SPATA3: variants seen among roughly 807,000 people sequenced by gnomAD.
The protein encoded by SPATA3 is spermatogenesis associated 3, also known as spermatogenesis-associated protein 3.
Under a neutral mutation model 5.7 loss-of-function variants are expected in SPATA3, and 6 were observed. The observed-to-expected ratio is 1.06, with a 90% confidence interval of 0.58 to 2.09. The LOEUF (loss-of-function observed/expected upper bound fraction) is 2.09, where lower values mean the gene tolerates loss of function less well. Among genes scored for constraint, SPATA3 ranks in the 30% most tolerant of loss-of-function variants. The pLI, the probability that SPATA3 is intolerant of heterozygous loss-of-function variation, is 0.00. For synonymous variants in SPATA3, 44 were observed against 48.4 expected (o/e 0.91, Z 0.37); for missense variants, 155 against 130.4 (o/e 1.19, Z -0.92).
chr2:231,008,195 T>C (rs1038416912), downstream of SPATA3, among the ~76,000 whole-genome samples: 7 of 152,012 alleles, frequency 4.6e-5, no homozygotes, highest in Non-Finnish European at 8.8e-5. Context: ...GAGGCATTTG[T>C]AACCTGTTGG....
intron 1 of SPATA3, among the ~76,000 whole-genome samples, chr2:230,998,189 C>G (rs1031341963): frequency 6.6e-6 from 1 of 152,192 alleles, no homozygotes; most frequent in South Asian, 2.1e-4. Context: ...GTTTACCCCC[C>G]GGGATTGTGT....
intron 6 of SPATA3, among the ~76,000 whole-genome samples, chr2:231,015,004 G>A (rs187437456): frequency 6.6e-6 from 1 of 151,636 alleles, no homozygotes; most frequent in East Asian, 1.9e-4. Context: ...TTGGGAGAGA[G>A]GGGAGCACCA....
intron 1 of SPATA3, chr2:230,996,458 C>G: frequency 1.3e-6 from 2 of 1,552,310 alleles, no homozygotes; most frequent in East Asian, 4.9e-5. Context: ...TTCCAGCACC[C>G]GAAATCCGCC....
intron 1 of SPATA3, among the ~76,000 whole-genome samples, chr2:230,999,000 C>G (rs948549687): frequency 2.0e-5 from 3 of 152,154 alleles, no homozygotes; most frequent in Non-Finnish European, 4.4e-5. Flanking sequence ...TGTCCATCAG[C>G]TGATGAATGG....
In SPATA3 at chr2:230,996,550, G is replaced by C; in HGVS notation, c.791-3816G>C. The stretch of plus-strand genomic sequence containing the variant: ...AGGAAAGCAGGTGGGCTGTCTTCTA[G>C]CTTCAGCAGTTCCAGCCTTCCTGCT... On this transcript the variant is annotated intron_variant, in intron 1 of 2. Coordinates refer to ENST00000645363, the Ensembl canonical transcript of SPATA3. 1 of 1,550,034 alleles carries C rather than the reference G, an allele frequency of 6.5e-7. No individual in the cohort carries two copies. Among genetic ancestry groups the C allele is most frequent in the Non-Finnish European group, 8.7e-7 (1 of 1,145,950 alleles).
downstream of SPATA3, among the ~76,000 whole-genome samples, chr2:231,005,432 A>G (rs1361479455): frequency 9.0e-6 from 1 of 111,100 alleles, no homozygotes; most frequent in Non-Finnish European, 1.9e-5. Context: ...CACCACCACC[A>G]CCACAATCAC....
chr2:231,001,660 G>C (rs1692357771), intron 2 of SPATA3, among the ~76,000 whole-genome samples: 1 of 152,126 alleles, frequency 6.6e-6, no homozygotes, highest in African/African-American at 2.4e-5. Flanking sequence ...CGTGCCATGG[G>C]TTCATATCGT....
Position 230,996,205 on chromosome 2 carries a change from G to A in SPATA3, c.791-4161G>A. On this transcript the variant is annotated intron_variant, in intron 1 of 2. An upstream open reading frame in the 5' UTR loses its in-frame stop. Coordinates refer to ENST00000645363, the Ensembl canonical transcript of SPATA3. ...CCGGGAGATTACGCAGCTCCATGTA[G>A]GTCCACGTTTAGGTTGGGAGGATCT... 1 of 1,537,276 alleles carries A rather than the reference G, an allele frequency of 6.5e-7. No individual in the cohort carries two copies. The highest frequency in any genetic ancestry group is 8.8e-7 in the Non-Finnish European group (1 of 1,141,256).
downstream of SPATA3, among the ~76,000 whole-genome samples, chr2:231,004,323 G>T (rs776200374): frequency 3.3e-5 from 5 of 152,172 alleles, no homozygotes; most frequent in Non-Finnish European, 7.4e-5. Flanking sequence ...GTGAGATAAG[G>T]TGTTAGAGGA....
downstream of SPATA3, among the ~76,000 whole-genome samples, chr2:231,004,956 C>T (rs1414187869): frequency 2.1e-5 from 3 of 143,900 alleles, no homozygotes; most frequent in African/African-American, 7.7e-5. Flanking sequence ...ACCATTATCA[C>T]CATCATCCTC....
intron 1 of SPATA3, among the ~76,000 whole-genome samples, chr2:230,997,900 T>C (rs1692188960): frequency 6.6e-6 from 1 of 152,190 alleles, no homozygotes. Context: ...CCTATAAAAG[T>C]TCTTCCATAT....
At chr2:231,007,297 T>C (rs566156040), downstream of SPATA3, 2 of 152,312 alleles carry the variant, frequency 1.3e-5, no homozygotes, top group East Asian at 3.9e-4. Flanking sequence ...TCTGTTTCTT[T>C]AGCATGTTTT....
At chr2:231,000,978 C>T (rs749249844) in intron 2 of SPATA3, among the ~76,000 whole-genome samples, 11 of 152,198 alleles carry the variant, frequency 7.2e-5, no homozygotes, top group Non-Finnish European at 1.2e-4. Flanking sequence ...CTACGAATGT[C>T]GCCCAGAATT....
At position 231,014,668 on chromosome 2, in the gene SPATA3, GGTC is replaced by G. The variant is rs895069475; in HGVS notation, c.*565+457_*565+459del. ...CGTGGGGCTCCTCTGGTACTCTGCTGGTCTCCATCCTTCCAAAAGGACACCCAC... is the reference window on the plus strand; with the variant it reads ...CGTGGGGCTCCTCTGGTACTCTGCTGTCCATCCTTCCAAAAGGACACCCAC... On this transcript the variant is annotated intron_variant, in intron 6 of 8. Coordinates refer to the SPATA3 transcript ENST00000452881. Among the ~76,000 whole-genome samples the G allele has an allele frequency of 1.6e-4, 25 of 152,212 alleles. 1 individual carries two copies. Among genetic ancestry groups the G allele is most frequent in the Admixed American group, 1.5e-3 (23 of 15,292 alleles).
intron 1 of SPATA3, among the ~76,000 whole-genome samples, chr2:230,996,947 C>T (rs185161797): frequency 6.6e-6 from 1 of 152,174 alleles, no homozygotes; most frequent in Non-Finnish European, 1.5e-5. Context: ...AGATGCCTGA[C>T]AAACTAGTCC....
At chr2:231,016,896 C>T (rs1024320259) in intron 6 of SPATA3, among the ~76,000 whole-genome samples, 4 of 152,186 alleles carry the variant, frequency 2.6e-5, no homozygotes, top group Non-Finnish European at 5.9e-5. Flanking sequence ...ATAGCTTTCC[C>T]ATTCACCATC....
At chr2:231,001,965 T>A (rs1266338106) in intron 2 of SPATA3, among the ~76,000 whole-genome samples, 1 of 152,190 alleles carries the variant, frequency 6.6e-6, no homozygotes, top group East Asian at 1.9e-4. Flanking sequence ...AAGTCCTCTC[T>A]GGCTTAAGAT....
At chr2:231,019,296 C>T (rs1693017202) in intron 6 of SPATA3, among the ~76,000 whole-genome samples, 1 of 148,428 alleles carries the variant, frequency 6.7e-6, no homozygotes, top group Non-Finnish European at 1.5e-5. Flanking sequence ...AACTATTCTC[C>T]TACTAACAGA....
intron 6 of SPATA3, among the ~76,000 whole-genome samples, chr2:231,015,798 G>T (rs1692919695): frequency 6.6e-6 from 1 of 152,192 alleles, no homozygotes; most frequent in African/African-American, 2.4e-5. Flanking sequence ...AAGCTCCAAG[G>T]CCTGGCCCTC....
Sources: allele counts gnomAD v4.1 joint callset (sites outside exome capture counted in the v4.1 genomes callset), GRCh38; gene constraint gnomAD v4.1.1; transcripts MANE v1.5; gene names NCBI Gene and HGNC (gene_info 2026-07-23, HGNC 2026-07-21).